Variants in ROBO1 observed in about 807,000 individuals in gnomAD.
The protein encoded by ROBO1 is roundabout guidance receptor 1.
A neutral mutation model predicts 195.9 loss-of-function variants in ROBO1; 149 were observed. The observed-to-expected ratio is 0.76, with a 90% CI of 0.67 to 0.87. The LOEUF (loss-of-function observed/expected upper bound fraction) is 0.87. ROBO1 is among the 40% of genes least tolerant of loss of function. The pLI, the probability that ROBO1 is intolerant of heterozygous loss-of-function variation, is 0.00. For synonymous variants in ROBO1, 816 were observed against 733.2 expected (o/e 1.11, Z -1.82); for missense variants, 1,933 against 2,068.3 (o/e 0.93, Z 1.27).
chr3:78,829,173 A>C (rs1425425616), intron 4 of ROBO1, among the ~76,000 whole-genome samples: 1 of 152,168 alleles, frequency 6.6e-6, no homozygotes. Context: ...TAAATTTGTA[A>C]TTACATTGTC....
intron 4 of ROBO1, among the ~76,000 whole-genome samples, chr3:78,833,862 C>T (rs12330828): frequency 0.035 from 5,271 of 152,088 alleles, 309 homozygotes; most frequent in African/African-American, 0.12. Flanking sequence ...CTGAACAAGT[C>T]AAACCAGGAG....
chr3:79,113,137 CT>C (rs2079920843), intron 3 of ROBO1, among the ~76,000 whole-genome samples: 1 of 152,118 alleles, frequency 6.6e-6, no homozygotes, highest in South Asian at 2.1e-4. Context: ...TCTCTCTGAG[CT>C]TCTTTAAAGA....
At chr3:79,268,363 C>CT (rs1024080338) in intron 2 of ROBO1, among the ~76,000 whole-genome samples, 10 of 151,586 alleles carry the variant, frequency 6.6e-5, no homozygotes, top group African/African-American at 1.9e-4. Context: ...AGTCCTCAAA[C>CT]TTTTTTTCAA....
chr3:78,757,455 A>ACT (rs1553721158), intron 4 of ROBO1, among the ~76,000 whole-genome samples: 1 of 148,538 alleles, frequency 6.7e-6, no homozygotes, highest in African/African-American at 2.5e-5. Context: ...ACACACACAC[A>ACT]CTCACAAACT....
intron 2 of ROBO1, among the ~76,000 whole-genome samples, chr3:79,494,857 T>G (rs1939646471): frequency 6.6e-6 from 1 of 152,198 alleles, no homozygotes; most frequent in African/African-American, 2.4e-5. Flanking sequence ...GAGTCAGATA[T>G]TCTCAAGACT....
chr3:78,807,948 AG>A lies in ROBO1; in HGVS notation c.500-61049del, dbSNP rs1209331641. 2.6e-5 allele frequency among the ~76,000 whole-genome samples: 4 copies of A among 152,216 alleles called. No individual in the cohort carries two copies. In the South Asian group the frequency reaches 8.3e-4, roughly 32 times the overall value. On this transcript the variant is annotated intron_variant, in intron 4 of 30. Transcript: ENST00000464233. Reference sequence around the variant, plus strand: ...AAACACATCAACAAGATTTGTCATTAGAGTTCTCTGTCACATAACAGTGATA... The same window carrying A: ...AAACACATCAACAAGATTTGTCATTAAGTTCTCTGTCACATAACAGTGATA...
chr3:79,692,906 A>G (rs981210206), intron 1 of ROBO1, among the ~76,000 whole-genome samples: 1 of 151,862 alleles, frequency 6.6e-6, no homozygotes, highest in Admixed American at 6.6e-5. Context: ...CAAACACAGA[A>G]TTCATTTATG....
At chr3:78,920,123 T>A (rs899414250) in intron 4 of ROBO1, among the ~76,000 whole-genome samples, 6 of 152,184 alleles carry the variant, frequency 3.9e-5, no homozygotes, top group African/African-American at 1.4e-4. Flanking sequence ...ATAGTAACAA[T>A]TATATTCCCA....
intron 2 of ROBO1, among the ~76,000 whole-genome samples, chr3:79,585,356 C>A (rs1487504410): frequency 6.6e-6 from 1 of 151,926 alleles, no homozygotes; most frequent in African/African-American, 2.4e-5. Flanking sequence ...TTTGTAAAGT[C>A]ACTTTCAATA....
At chr3:78,672,771 A>T (rs1575894270) in intron 10 of ROBO1, among the ~76,000 whole-genome samples, 1 of 152,184 alleles carries the variant, frequency 6.6e-6, no homozygotes, top group African/African-American at 2.4e-5. Flanking sequence ...TTAATTTAGA[A>T]GGAGACAAAC....
Position 78,647,638 on chromosome 3 carries a change from T to A in ROBO1, c.2830A>T (p.Thr944Ser), listed in dbSNP as rs771437480. Residue 944 changes from threonine to serine, a missense_variant, in exon 20 of 31, where the codon ACA becomes TCA. Thr to Ser is a moderately conservative substitution (Grantham distance 58, BLOSUM62 1). This residue lies in a region of ROBO1 where 1,737 missense variants were observed against 1,882.5 expected (regional missense o/e 0.92). Coordinates refer to ENST00000464233, the MANE Select transcript of ROBO1 (RefSeq NM_002941.4). ...GIRKVPSFTF[T>S]PTVTYQRGGE... is the part of the protein sequence containing the mutation. ...AAGTGCAAATATATACCTGTTGGTG[T>A]GAAGGTAAAAGACGGGACTGAAAAA... is the stretch of plus-strand genomic sequence containing the variant. 1 of 1,612,040 alleles carries A rather than the reference T, an allele frequency of 6.2e-7. No homozygotes were observed. Among genetic ancestry groups the A allele is most frequent in the South Asian group, 1.1e-5 (1 of 91,030 alleles).
chr3:78,643,878 T>C (rs538325508), intron 21 of ROBO1, among the ~76,000 whole-genome samples: 125 of 151,976 alleles, frequency 8.2e-4, no homozygotes, highest in African/African-American at 2.9e-3. Flanking sequence ...AATGAAACAA[T>C]ATGAGAGTGA....
intron 1 of ROBO1, among the ~76,000 whole-genome samples, chr3:79,709,636 C>A (rs1701335915): frequency 6.6e-6 from 1 of 151,396 alleles, no homozygotes; most frequent in Admixed American, 6.6e-5. Flanking sequence ...ACACTAGATA[C>A]TGGATGTCAC....
At chr3:78,918,620 A>G (rs562689718) in intron 4 of ROBO1, among the ~76,000 whole-genome samples, 1 of 152,092 alleles carries the variant, frequency 6.6e-6, no homozygotes, top group African/African-American at 2.4e-5. Flanking sequence ...CTGTTAGAGG[A>G]CAGCCAAAAA....
intron 3 of ROBO1, among the ~76,000 whole-genome samples, chr3:79,023,797 T>C (rs2078149261): frequency 6.8e-6 from 1 of 146,862 alleles, no homozygotes. Context: ...CCGCCTCCCA[T>C]GTCCAAGTAA....
intron 4 of ROBO1, among the ~76,000 whole-genome samples, chr3:78,753,266 G>A (rs1021139390): frequency 6.6e-6 from 1 of 152,096 alleles, no homozygotes; most frequent in Non-Finnish European, 1.5e-5. Flanking sequence ...CTGTAGAAAC[G>A]GGGCCATGTT....
intron 2 of ROBO1, among the ~76,000 whole-genome samples, chr3:79,135,152 C>T (rs963510301): frequency 6.6e-6 from 1 of 152,036 alleles, no homozygotes; most frequent in Non-Finnish European, 1.5e-5. Context: ...CTTATTCCTC[C>T]TAACTGAAAT....
chr3:79,007,516 T>C (rs953678258), intron 3 of ROBO1, among the ~76,000 whole-genome samples: 1 of 152,206 alleles, frequency 6.6e-6, no homozygotes, highest in Admixed American at 6.5e-5. Context: ...TATACTGCTA[T>C]CCATAACCTC....
chr3:79,667,733 A>C (rs905861796), intron 1 of ROBO1, among the ~76,000 whole-genome samples: 3 of 151,578 alleles, frequency 2.0e-5, no homozygotes, highest in Non-Finnish European at 4.4e-5. Flanking sequence ...AATCACTGTC[A>C]TCATATCATT....
Sources: allele counts gnomAD v4.1 joint callset (sites outside exome capture counted in the v4.1 genomes callset), GRCh38; gene constraint gnomAD v4.1.1; regional missense constraint gnomAD v4.1.1; transcripts MANE v1.5; gene names NCBI Gene and HGNC (gene_info 2026-07-23, HGNC 2026-07-21).